Variants in COL14A1 observed in about 807,000 individuals in gnomAD.
The protein encoded by COL14A1 is collagen type XIV alpha 1 chain.
A neutral mutation model predicts 230.3 loss-of-function variants in COL14A1; 136 were observed. The ratio of observed to expected loss-of-function variants is 0.59; its 90% CI spans 0.51 to 0.68. The LOEUF (loss-of-function observed/expected upper bound fraction) is 0.68, where lower values mean the gene tolerates loss of function less well. Among genes scored for constraint, COL14A1 ranks in the 30% least tolerant of loss-of-function variants. The pLI is 0.00. For synonymous variants in COL14A1, 792 were observed against 784.1 expected (o/e 1.01, Z -0.17); for missense variants, 1,976 against 2,215.8 (o/e 0.89, Z 2.17).
At chr8:120,208,131 A>G in intron 10 of COL14A1, 101 bp from the exon 11 acceptor site, 1 of 1,211,318 alleles carries the variant, frequency 8.3e-7, no homozygotes, top group South Asian at 1.7e-5. Context: ...ACAAGAAAAT[A>G]TTCAATGAAA....
At chr8:120,319,391 T>G (rs900495225) in intron 40 of COL14A1, among the ~76,000 whole-genome samples, 1 of 151,918 alleles carries the variant, frequency 6.6e-6, no homozygotes, top group Non-Finnish European at 1.5e-5. Context: ...CCCAGGGTGG[T>G]CTCAAACACC....
Position 120,337,352 on chromosome 8 carries a change from T to C in COL14A1, c.4786-3973T>C, listed in dbSNP as rs1441193624. On this transcript the variant is annotated intron_variant, in intron 42 of 47. Transcript: ENST00000297848. ...CAGAGGTTGCAGTGAGCCGAGATCATACCACTGCACTCCAGCCTGGGCGAC... is the reference window on the plus strand; with the variant it reads ...CAGAGGTTGCAGTGAGCCGAGATCACACCACTGCACTCCAGCCTGGGCGAC... Among the ~76,000 whole-genome samples, 4 of 138,204 alleles carry C rather than the reference T, an allele frequency of 2.9e-5. No individual in the cohort carries two copies. The East Asian group carries it at 8.3e-4, about 29-fold the overall frequency. The allele number at this position is 138,204 out of a possible 152,430, so 90.7% of individuals were successfully genotyped here.
chr8:120,331,107 CA>C (rs35915187), intron 40 of COL14A1, among the ~76,000 whole-genome samples: 2,197 of 61,362 alleles, frequency 0.036, 12 homozygotes, highest in South Asian at 0.055. Context: ...CTCTGTCTCA[CA>C]AAAAAAAAAA....
At chr8:120,157,605 A>G (rs1448507118) in intron 2 of COL14A1, among the ~76,000 whole-genome samples, 2 of 152,220 alleles carry the variant, frequency 1.3e-5, no homozygotes, top group East Asian at 1.9e-4. Flanking sequence ...TGTTTGACAA[A>G]TGGATATCCC....
chr8:120,260,036 A>G (rs1177964355), intron 23 of COL14A1, among the ~76,000 whole-genome samples: 2 of 152,160 alleles, frequency 1.3e-5, no homozygotes, highest in African/African-American at 2.4e-5. Flanking sequence ...AACAATTTTT[A>G]AATGTTATCA....
chr8:120,337,879 A>G (rs1350570787), intron 42 of COL14A1, among the ~76,000 whole-genome samples: 3 of 152,238 alleles, frequency 2.0e-5, no homozygotes, highest in Admixed American at 6.5e-5. Context: ...ATTTCTTGCC[A>G]TAGAGATATT....
chr8:120,169,666 A>G lies in COL14A1; in HGVS notation c.436+1419A>G, dbSNP rs1158365597. On this transcript the variant is annotated intron_variant, in intron 5 of 47. Transcript: ENST00000297848. Reference sequence around the variant, plus strand: ...CCTTGCAACTTTATTCATCTTTTTGATAATTTTTAATACAATTAAAAAATT... The same window carrying G: ...CCTTGCAACTTTATTCATCTTTTTGGTAATTTTTAATACAATTAAAAAATT... Among the ~76,000 whole-genome samples the G allele has an allele frequency of 3.3e-5, 5 of 151,964 alleles. No individual in the cohort carries two copies. The East Asian group carries it at 9.6e-4, about 29-fold the overall frequency.
chr8:120,166,911 TGTGTGTG>T (rs1815907558), intron 4 of COL14A1, among the ~76,000 whole-genome samples: 1 of 148,462 alleles, frequency 6.7e-6, no homozygotes, highest in Admixed American at 6.7e-5. Context: ...TGTGTGTGTG[TGTGTGTG>T]TGTGGTGGTG....
rs774075707 is a variant in COL14A1 at position 120,247,698 on chromosome 8, G to C, written c.2565G>C (p.Pro855=). 19 of 1,614,016 alleles carry C rather than the reference G, an allele frequency of 1.2e-5. 1 individual carries two copies. Among genetic ancestry groups the C allele is most frequent in the Non-Finnish European group, 1.6e-5 (19 of 1,180,010 alleles). The change falls in exon 21 of 48, where the codon CCG becomes CCC. Residue 855 remains proline, a synonymous_variant. Coordinates refer to ENST00000297848, the MANE Select transcript of COL14A1 (RefSeq NM_021110.4). The stretch of plus-strand genomic sequence containing the variant: ...TTACGTGGGACCCCCCATCTTCCCC[G>C]GTGAAAGGCTATAGAATTGTCTACA... The part of the protein sequence containing the change: ...LRITWDPPSS[P]VKGYRIVYKP...
At chr8:120,259,263 A>C (rs1423911159) in intron 23 of COL14A1, among the ~76,000 whole-genome samples, 1 of 152,048 alleles carries the variant, frequency 6.6e-6, no homozygotes, top group Non-Finnish European at 1.5e-5. Flanking sequence ...TGCTTGTGGA[A>C]CTCAATAACT....
chr8:120,188,299 C>T (rs1419736095), intron 5 of COL14A1, among the ~76,000 whole-genome samples: 1 of 152,138 alleles, frequency 6.6e-6, no homozygotes, highest in Non-Finnish European at 1.5e-5. Flanking sequence ...CCAGGCTGGT[C>T]TTGAACTCCT....
chr8:120,367,117 C>A, intron 45 of COL14A1, 54 bp from the exon 46 acceptor site: 1 of 1,432,558 alleles, frequency 7.0e-7, no homozygotes, highest in Non-Finnish European at 9.4e-7. Context: ...ATGGAACTAC[C>A]AAGATTTTCT....
At chr8:120,149,948 C>T (rs932073611) in intron 2 of COL14A1, among the ~76,000 whole-genome samples, 2 of 152,180 alleles carry the variant, frequency 1.3e-5, no homozygotes, top group African/African-American at 4.8e-5. Flanking sequence ...CCCTCCTTGG[C>T]CTCCCAAAGT....
At chr8:120,335,971 A>C (rs917049136) in intron 42 of COL14A1, among the ~76,000 whole-genome samples, 3 of 152,218 alleles carry the variant, frequency 2.0e-5, no homozygotes, top group Non-Finnish European at 2.9e-5. Flanking sequence ...CATGACTCAA[A>C]GTAGCTGTGA....
chr8:120,285,862 T>G lies in COL14A1; in HGVS notation c.3969T>G (p.Asn1323Lys), dbSNP rs755845909. The change falls in exon 33 of 48, where the codon AAT (asparagine) becomes AAG (lysine). Residue 1323 changes from asparagine to lysine, a missense_variant and splice_region_variant. Asn to Lys is a moderately conservative substitution (Grantham distance 94). Transcript: ENST00000297848. Reference protein sequence around the residue: ...SDPLVGVILDNGGKTLTYFNY... With the variant: ...SDPLVGVILDKGGKTLTYFNY... ...ATATTTTTATTTTTCTTTCAATAGATGGTGGGAAAACTCTAACATATTTCA... is the reference window on the plus strand; with the variant it reads ...ATATTTTTATTTTTCTTTCAATAGAGGGTGGGAAAACTCTAACATATTTCA... 3.2e-6 allele frequency: 5 copies of G among 1,551,720 alleles called. No homozygotes were observed. The highest frequency in any genetic ancestry group is 4.4e-6 in the Non-Finnish European group (5 of 1,140,040).
rs1817336189 is a variant in COL14A1, at chr8:120,203,778, A to G, written c.947A>G (p.Asn316Ser). 5 of 1,613,816 alleles carry G rather than the reference A, an allele frequency of 3.1e-6. No individual in the cohort carries two copies. Among genetic ancestry groups the G allele is most frequent in the African/African-American group, 2.7e-5 (2 of 74,900 alleles). ...GAACCAGACAGCACTCATGTGTACA[A>G]TGTTGCCGAATTCGATCTGATGCAC... is the stretch of plus-strand genomic sequence containing the variant. ...ASEPDSTHVY[N>S]VAEFDLMHTV... The change falls in exon 9 of 48, where the codon AAT becomes AGT. Residue 316 changes from asparagine (N) to serine (S), a missense_variant. Around this residue, in one of 3 missense-constraint regions of COL14A1, gnomAD observed 1,791 missense variants for 2,019.5 expected, o/e 0.89. Coordinates refer to ENST00000297848, the MANE Select transcript of COL14A1 (RefSeq NM_021110.4).
At chr8:120,264,977 T>C (rs1375989430) in intron 24 of COL14A1, among the ~76,000 whole-genome samples, 1 of 152,176 alleles carries the variant, frequency 6.6e-6, no homozygotes, top group East Asian at 1.9e-4. Flanking sequence ...TTGATGTAAA[T>C]GTTTTCCTTA....
At chr8:120,291,864 A>G (rs563627226) in intron 34 of COL14A1, among the ~76,000 whole-genome samples, 2 of 152,182 alleles carry the variant, frequency 1.3e-5, no homozygotes, top group East Asian at 3.9e-4. Context: ...TCCTCTAACC[A>G]GATTATAAAT....
In COL14A1 at chr8:120,208,359, C is replaced by A; in HGVS notation, c.1319C>A (p.Thr440Lys). 6.2e-7 allele frequency: 1 copy of A among 1,612,378 alleles called. No individual in the cohort carries two copies. The highest frequency in any genetic ancestry group is 8.5e-7 in the Non-Finnish European group (1 of 1,179,162). ...ASEGLRGTET[T>K]LALPMASDLL... The stretch of plus-strand genomic sequence containing the variant: ...GAAGGCCTACGGGGAACTGAAACTA[C>A]ACGTATGTATTTAATTCTACCCCAC... Residue 440 changes from threonine to lysine, a missense_variant and splice_region_variant, in exon 11 of 48, where the codon ACA becomes AAA. Transcript: ENST00000297848.
Sources: gnomAD v4.1 joint callset for allele counts (sites outside exome capture counted in the v4.1 genomes callset) on GRCh38, gnomAD v4.1.1 for gene constraint, gnomAD v4.1.1 regional missense constraint, MANE v1.5 for transcripts, NCBI Gene and HGNC (gene_info 2026-07-23, HGNC 2026-07-21) for gene names.